The following NTM variants were observed in gnomAD, a reference collection of about 807,000 sequenced individuals.
NTM encodes neurotrimin, also known as IgLON family member 2.
A neutral mutation model predicts 42.1 loss-of-function variants in NTM; 13 were observed. The observed-to-expected ratio is 0.31, with a 90% CI of 0.20 to 0.49. The LOEUF is 0.49. Ranked by LOEUF, NTM falls within the 20% of genes least tolerant of loss-of-function variation. NTM has a pLI of 0.99. For synonymous variants in NTM, 187 were observed against 179.2 expected (o/e 1.04, Z -0.35); for missense variants, 373 against 452.8 (o/e 0.82, Z 1.60).
chr11:131,469,822 G>A (rs571602083), intron 1 of NTM, among the ~76,000 whole-genome samples: 1 of 152,318 alleles, frequency 6.6e-6, no homozygotes, highest in South Asian at 2.1e-4. Context: ...AGCCAAGCTT[G>A]GAGCATCGTA....
chr11:131,936,192 G>A (rs675080), intron 2 of NTM, among the ~76,000 whole-genome samples: 99,013 of 152,106 alleles, frequency 0.65, 33,520 homozygotes, highest in East Asian at 0.98. Flanking sequence ...TAAGCAACTT[G>A]TCATTAACGT....
chr11:131,742,056 A>G (rs1017956950), intron 1 of NTM, among the ~76,000 whole-genome samples: 2 of 152,164 alleles, frequency 1.3e-5, no homozygotes, highest in Non-Finnish European at 2.9e-5. Flanking sequence ...AGAACAACAC[A>G]CACTGGGGCC....
chr11:132,277,470 A>G (rs898827376), intron 4 of NTM, among the ~76,000 whole-genome samples: 2 of 152,076 alleles, frequency 1.3e-5, no homozygotes, highest in African/African-American at 4.8e-5. Flanking sequence ...CCTACTTGAT[A>G]CCTTTGCAGA....
chr11:131,890,960 A>C (rs1188843563), intron 1 of NTM, among the ~76,000 whole-genome samples: 2 of 152,242 alleles, frequency 1.3e-5, no homozygotes, highest in East Asian at 3.9e-4. Flanking sequence ...TCAGGGTGCA[A>C]ATGAATTCCA....
chr11:132,257,603 A>G (rs1224640811), intron 4 of NTM, among the ~76,000 whole-genome samples: 3 of 152,186 alleles, frequency 2.0e-5, no homozygotes, highest in African/African-American at 7.2e-5. Context: ...CAATGTCACC[A>G]AACCCTCACT....
intron 1 of NTM, among the ~76,000 whole-genome samples, chr11:131,433,282 C>T (rs1370828956): frequency 6.6e-6 from 1 of 151,958 alleles, no homozygotes; most frequent in Non-Finnish European, 1.5e-5. Flanking sequence ...CAAATAAAAC[C>T]AAGTGAATTA....
At chr11:132,103,712 C>T (rs749576048) in intron 2 of NTM, among the ~76,000 whole-genome samples, 31 of 152,308 alleles carry the variant, frequency 2.0e-4, no homozygotes, top group Non-Finnish European at 4.1e-4. Flanking sequence ...CTCCTGGATT[C>T]GTGTCTCAAC....
In NTM at chr11:131,789,358, T is replaced by C. The variant is rs2089802266; in HGVS notation, c.83-122206T>C. 1.4e-5 allele frequency among the ~76,000 whole-genome samples: 2 copies of C among 144,832 alleles called. 1 individual carries two copies. The highest frequency in any genetic ancestry group is 5.1e-5 in the African/African-American group (2 of 39,204). On this transcript the variant is annotated intron_variant, in intron 1 of 8. Coordinates refer to ENST00000683400, the MANE Select transcript of NTM (RefSeq NM_001352005.2). ...GACAAAGTGAATTTAAAAATAATAA[T>C]AATAATAATAAAGAAGAAGATTTAA...
intron 2 of NTM, among the ~76,000 whole-genome samples, chr11:132,113,489 T>G (rs937072508): frequency 2.0e-5 from 3 of 152,170 alleles, no homozygotes; most frequent in African/African-American, 2.4e-5. Flanking sequence ...AAACAAGCGT[T>G]TGCTTGCATT....
At chr11:131,686,217 G>C (rs1023752443) in intron 1 of NTM, among the ~76,000 whole-genome samples, 1 of 152,134 alleles carries the variant, frequency 6.6e-6, no homozygotes, top group African/African-American at 2.4e-5. Flanking sequence ...GCGGTGGTTG[G>C]GGGTGCCGAC....
At chr11:131,949,458 C>T (rs956715165) in intron 2 of NTM, among the ~76,000 whole-genome samples, 4 of 152,214 alleles carry the variant, frequency 2.6e-5, no homozygotes, top group Non-Finnish European at 5.9e-5. Context: ...GACCTAGACT[C>T]TAATCCCAGT....
chr11:131,946,946 A>G (rs2060412120), intron 2 of NTM, among the ~76,000 whole-genome samples: 1 of 152,220 alleles, frequency 6.6e-6, no homozygotes, highest in South Asian at 2.1e-4. Context: ...TCTTGGCTAC[A>G]GAGTTACTAG....
intron 1 of NTM, among the ~76,000 whole-genome samples, chr11:131,690,407 G>A (rs2074506506): frequency 2.6e-5 from 4 of 151,964 alleles, no homozygotes; most frequent in Admixed American, 2.6e-4. Context: ...GCAGAAACCC[G>A]GCCCAAGCCA....
intron 2 of NTM, among the ~76,000 whole-genome samples, chr11:131,967,048 T>C (rs983199816): frequency 2.0e-5 from 3 of 152,178 alleles, no homozygotes; most frequent in Non-Finnish European, 4.4e-5. Flanking sequence ...AGATGGGCTA[T>C]GATGTGGGCA....
chr11:132,181,386 T>G (rs2077557009), intron 3 of NTM, among the ~76,000 whole-genome samples: 1 of 152,254 alleles, frequency 6.6e-6, no homozygotes, highest in Non-Finnish European at 1.5e-5. Flanking sequence ...GCCTCATTTC[T>G]TTTCTAAATT....
chr11:132,233,201 G>A (rs981720764), intron 4 of NTM, among the ~76,000 whole-genome samples: 1 of 138,930 alleles, frequency 7.2e-6, no homozygotes, highest in South Asian at 2.3e-4. Flanking sequence ...CAGATCACTT[G>A]AGGTCAGGAG....
chr11:132,024,053 C>T (rs903587504), intron 2 of NTM, among the ~76,000 whole-genome samples: 4 of 151,750 alleles, frequency 2.6e-5, no homozygotes, highest in Non-Finnish European at 4.4e-5. Context: ...CTCCTGACCT[C>T]GTGATCCGCC....
chr11:131,682,326 A>T (rs1026576934), intron 1 of NTM, among the ~76,000 whole-genome samples: 1 of 152,142 alleles, frequency 6.6e-6, no homozygotes, highest in Non-Finnish European at 1.5e-5. Flanking sequence ...TAATCTAAGA[A>T]TCTCTGTACA....
intron 2 of NTM, among the ~76,000 whole-genome samples, chr11:131,942,725 C>G (rs1038660643): frequency 6.6e-6 from 1 of 151,942 alleles, no homozygotes; most frequent in East Asian, 1.9e-4. Flanking sequence ...GTGGATGGAT[C>G]GTTTGAGGTC....
Sources: gnomAD v4.1 joint callset for allele counts (sites outside exome capture counted in the v4.1 genomes callset) on GRCh38, gnomAD v4.1.1 for gene constraint, MANE v1.5 for transcripts, NCBI Gene and HGNC (gene_info 2026-07-23, HGNC 2026-07-21) for gene names.